Variants in MOB2 observed in about 807,000 individuals in gnomAD.
MOB2 encodes the protein MOB2 Mps One Binder homolog.
Under a neutral mutation model 27.4 loss-of-function variants are expected in MOB2, and 14 were observed. The ratio of observed to expected loss-of-function variants is 0.51; its 90% CI spans 0.34 to 0.80. MOB2 has a LOEUF of 0.80. Ranked by LOEUF, MOB2 falls within the 30% of genes least tolerant of loss-of-function variation. MOB2 has a pLI of 0.01. For missense variants in MOB2, 304 were observed against 354.6 expected, an observed-to-expected ratio of 0.86 and a Z score of 1.15; for synonymous variants, 167 against 151.8, an observed-to-expected ratio of 1.10 and a Z score of -0.74.
At position 1,486,738 on chromosome 11, in the gene MOB2, G is replaced by T. The variant is rs563277628; in HGVS notation, c.-182C>A. 1.0e-5 allele frequency: 6 copies of T among 573,004 alleles called. No individual in the cohort carries two copies. In the South Asian group the frequency reaches 1.2e-4, roughly 12 times the overall value. The allele number at this position is 573,004 out of a possible 1,614,324, so 35.5% of individuals were successfully genotyped here. ...GCCAAGGCTGGTGAAACGAGGGAGC[G>T]TCTGAATTGGCCTTTTCCAAGTGGC... On this transcript the variant is annotated 5_prime_UTR_variant, in exon 1 of 5. Transcript: ENST00000329957.
In MOB2 at chr11:1,470,088, G is replaced by C; in HGVS notation, c.*84C>G. 6.5e-7 allele frequency: 1 copy of C among 1,544,962 alleles called. No individual in the cohort carries two copies. The highest frequency in any genetic ancestry group is 8.7e-7 in the Non-Finnish European group (1 of 1,146,940). On this transcript the variant is annotated 3_prime_UTR_variant, in exon 5 of 5. Coordinates refer to ENST00000329957, the MANE Select transcript of MOB2 (RefSeq NM_001172223.3). Reference sequence around the variant, plus strand: ...TCAGACCTCACCACACGCGTGCCCAGCACATGTGTGCACACGCAGATGCAG... The same window carrying C: ...TCAGACCTCACCACACGCGTGCCCACCACATGTGTGCACACGCAGATGCAG...
intron 3 of MOB2, among the ~76,000 whole-genome samples, chr11:1,478,114 C>A (rs1847871858): frequency 6.6e-6 from 1 of 152,250 alleles, no homozygotes; most frequent in Non-Finnish European, 1.5e-5. Context: ...CACACATGTG[C>A]TTCCACTGGA....
chr11:1,484,124 G>A (rs564425831), intron 1 of MOB2, among the ~76,000 whole-genome samples: 1 of 152,310 alleles, frequency 6.6e-6, no homozygotes, highest in African/African-American at 2.4e-5. Flanking sequence ...GGAATGGGGT[G>A]CTCCAGGCTC....
chr11:1,486,264 G>A (rs1847968612), intron 1 of MOB2, among the ~76,000 whole-genome samples, 183 bp downstream of exon 1: 2 of 152,206 alleles, frequency 1.3e-5, no homozygotes, highest in African/African-American at 2.4e-5. Context: ...CTGCACAGCC[G>A]CCTCTGCCCT....
At chr11:1,475,430 C>G (rs941775804) in intron 3 of MOB2, among the ~76,000 whole-genome samples, 2 of 152,170 alleles carry the variant, frequency 1.3e-5, no homozygotes, top group Non-Finnish European at 2.9e-5. Flanking sequence ...ATATGCTGCG[C>G]TTTCTCCTAT....
At position 1,469,587 on chromosome 11, in the gene MOB2, T is replaced by A. The variant is rs996823812; in HGVS notation, c.*585A>T. ...CTGGCCTTGCCTGAGGACTGCACCA[T>A]GGGTGTTCCTTGGGCATGGAGGAGG... On this transcript the variant is annotated 3_prime_UTR_variant, in exon 5 of 5. Transcript: ENST00000329957. The A allele has an allele frequency of 8.8e-6, 4 of 456,714 alleles. No individual in the cohort carries two copies. Among genetic ancestry groups the A allele is most frequent in the African/African-American group, 6.0e-5 (3 of 50,094 alleles). 28.3% of individuals were successfully genotyped at this position (456,714 alleles called of 1,614,324 possible).
At chr11:1,481,166 C>T in intron 1 of MOB2, 1 of 572,000 alleles carries the variant, frequency 1.7e-6, no homozygotes, top group South Asian at 1.7e-5. Context: ...CCTCACCCCT[C>T]ACCAAGTCCT....
rs2133371016 is a variant in MOB2 at position 1,486,587 on chromosome 11, G to C, written c.-31C>G. The stretch of plus-strand genomic sequence containing the variant: ...GGCGACGGGAAGGTGGGGAGGAGAA[G>C]CGGGGCGGGGTGCCGGCTGGCCAGC... On this transcript the variant is annotated 5_prime_UTR_variant, in exon 1 of 5. Coordinates refer to ENST00000329957, the MANE Select transcript of MOB2 (RefSeq NM_001172223.3). 1 of 1,471,422 alleles carries C rather than the reference G, an allele frequency of 6.8e-7. No homozygotes were observed. The highest frequency in any genetic ancestry group is 2.5e-5 in the East Asian group (1 of 40,500). The allele number at this position is 1,471,422 out of a possible 1,614,324, so 91.1% of individuals were successfully genotyped here. A position where few individuals can be genotyped will look rare whatever the true frequency, so the allele number is the denominator to read the frequency against.
chr11:1,475,589 C>T (rs148691523), intron 3 of MOB2, among the ~76,000 whole-genome samples: 1 of 152,188 alleles, frequency 6.6e-6, no homozygotes, highest in Non-Finnish European at 1.5e-5. Flanking sequence ...GCCACCACAC[C>T]CAGTGTAATT....
chr11:1,476,921 C>T (rs1385977052), intron 3 of MOB2, among the ~76,000 whole-genome samples: 1 of 152,090 alleles, frequency 6.6e-6, no homozygotes, highest in African/African-American at 2.4e-5. Context: ...CTAATTTAAC[C>T]CCACCATGGT....
intron 1 of MOB2, chr11:1,481,291 G>T: frequency 3.6e-6 from 1 of 275,514 alleles, no homozygotes; most frequent in Non-Finnish European, 7.4e-6. Context: ...TTTTGAGTTG[G>T]CCAGCCTGTC....
chr11:1,479,433 T>C (rs1847885873), intron 3 of MOB2, among the ~76,000 whole-genome samples: 1 of 152,202 alleles, frequency 6.6e-6, no homozygotes, highest in Admixed American at 6.5e-5. Flanking sequence ...CTCATTTTCC[T>C]GGGGAATTAA....
At chr11:1,478,196 C>T (rs757215499) in intron 3 of MOB2, among the ~76,000 whole-genome samples, 4 of 152,112 alleles carry the variant, frequency 2.6e-5, no homozygotes, top group Non-Finnish European at 5.9e-5. Context: ...ACCGCCACCA[C>T]AGGCCCCACG....
intron 1 of MOB2, among the ~76,000 whole-genome samples, chr11:1,485,133 C>A (rs750255383): frequency 1.1e-4 from 17 of 152,224 alleles, no homozygotes; most frequent in African/African-American, 1.7e-4. Flanking sequence ...CAGCTCCCAG[C>A]CAAGGTGGCT....
At chr11:1,481,705 G>C (rs982773661) in intron 1 of MOB2, 2 of 83,378 alleles carry the variant, frequency 2.4e-5, no homozygotes, top group Non-Finnish European at 4.8e-5. Context: ...GCAGGGAGCA[G>C]GGGCAGGAGC....
Position 1,470,243 on chromosome 11 carries a change from G to A in MOB2, c.736C>T (p.His246Tyr), listed in dbSNP as rs952758033. 5 of 1,612,512 alleles carry A rather than the reference G, an allele frequency of 3.1e-6. No individual in the cohort carries two copies. The South Asian group carries it at 5.5e-5, about 18-fold the overall frequency. Residue 246 changes from histidine to tyrosine, a missense_variant, in exon 5 of 5, where the codon CAC becomes TAC. His to Tyr is a moderately conservative substitution (Grantham distance 83). Coordinates refer to ENST00000329957, the MANE Select transcript of MOB2 (RefSeq NM_001172223.3). ...EVLCSGAGGV[H>Y]SGGSGDGAGS... ...GCCCCATCCCCACTGCCCCCACTGT[G>A]GACCCCGCCGGCCCCGCTGCATAGC... is the stretch of plus-strand genomic sequence containing the variant.
At chr11:1,478,867 G>C (rs138314347) in intron 3 of MOB2, among the ~76,000 whole-genome samples, 1 of 152,292 alleles carries the variant, frequency 6.6e-6, no homozygotes, top group Non-Finnish European at 1.5e-5. Flanking sequence ...ACACGACCCA[G>C]GCAGACTTGC....
At chr11:1,475,697 C>T (rs1370774882) in intron 3 of MOB2, among the ~76,000 whole-genome samples, 2 of 152,216 alleles carry the variant, frequency 1.3e-5, no homozygotes, top group Non-Finnish European at 2.9e-5. Flanking sequence ...CACGCTGCTG[C>T]TCCCATCCTC....
rs866731034 is a variant in MOB2 at position 1,471,352 on chromosome 11, C to T, written c.433G>A (p.Val145Ile). ...ACCAGCTTCTGCACGGAGCTCATGA[C>T]GAAGTCAACGTACTGTGGGGCCGTG... ...KCTAPQYVDF[V>I]MSSVQKLVTD... The change falls in exon 4 of 5, where the codon GTC (valine) becomes ATC (isoleucine). Residue 145 changes from valine (V) to isoleucine (I), a missense_variant. Val to Ile is a conservative substitution (Grantham distance 29). Coordinates refer to ENST00000329957, the MANE Select transcript of MOB2 (RefSeq NM_001172223.3). The T allele has an allele frequency of 5.6e-6, 9 of 1,613,430 alleles. No individual in the cohort carries two copies. The highest frequency in any genetic ancestry group is 2.7e-5 in the African/African-American group (2 of 74,922).
Sources: allele counts gnomAD v4.1 joint callset (sites outside exome capture counted in the v4.1 genomes callset), GRCh38; gene constraint gnomAD v4.1.1; transcripts MANE v1.5; gene names NCBI Gene and HGNC (gene_info 2026-07-23, HGNC 2026-07-21).